Variants in ATP6V0A4 observed in about 807,000 individuals in gnomAD.
The protein encoded by ATP6V0A4 is ATPase H+ transporting V0 subunit a4.
A neutral mutation model predicts 107.3 loss-of-function variants in ATP6V0A4; 86 were observed. The ratio of observed to expected loss-of-function variants is 0.80; its 90% CI spans 0.67 to 0.96. The LOEUF is 0.96. Ranked by LOEUF, ATP6V0A4 falls within the 40% of genes least tolerant of loss-of-function variation. The pLI is 0.00. For missense variants in ATP6V0A4, 908 were observed against 1,045.6 expected (o/e 0.87, Z 1.81); for synonymous variants, 353 against 381.4 (o/e 0.93, Z 0.87).
intron 2 of ATP6V0A4, among the ~76,000 whole-genome samples, chr7:138,775,331 T>C (rs1011380631): frequency 2.6e-5 from 4 of 152,162 alleles, no homozygotes; most frequent in Admixed American, 2.6e-4. Flanking sequence ...TTTCAAAATA[T>C]TCCAGCAGGT....
At chr7:138,735,293 C>T (rs3807149) in intron 15 of ATP6V0A4, among the ~76,000 whole-genome samples, 7,962 of 152,250 alleles carry the variant, frequency 0.052, 549 homozygotes, top group African/African-American at 0.15. Flanking sequence ...TTGCTCCTTC[C>T]CCTGTCCCCA....
Position 138,763,570 on chromosome 7 carries a change from G to A in ATP6V0A4, c.292-545C>T, listed in dbSNP as rs1442065114. ...TTGAACCCGGGAGGCAGAAGCTGTG[G>A]TGAGCCGAGATCGTGCCACTGCACT... On this transcript the variant is annotated intron_variant, in intron 5 of 21. Coordinates refer to ENST00000310018, the MANE Select transcript of ATP6V0A4 (RefSeq NM_020632.3). Among the ~76,000 whole-genome samples, 3 of 152,184 alleles carry A rather than the reference G, an allele frequency of 2.0e-5. No individual in the cohort carries two copies. The East Asian group carries it at 5.8e-4, about 29-fold the overall frequency.
intron 2 of ATP6V0A4, among the ~76,000 whole-genome samples, chr7:138,777,874 G>A (rs1002439705): frequency 1.3e-5 from 2 of 152,026 alleles, no homozygotes; most frequent in African/African-American, 4.8e-5. Context: ...CTTCCTACAG[G>A]TTGAGTATCC....
chr7:138,745,358 T>C, intron 13 of ATP6V0A4, 78 bp from the exon 14 acceptor site: 1 of 1,604,254 alleles, frequency 6.2e-7, no homozygotes, highest in South Asian at 1.1e-5. Context: ...CTACAGGATA[T>C]CTCCAGCATC....
chr7:138,759,961 C>A (rs986530616), intron 7 of ATP6V0A4, 83 bp from the exon 8 acceptor site: 2 of 1,606,176 alleles, frequency 1.2e-6, no homozygotes, highest in Non-Finnish European at 1.7e-6. Flanking sequence ...TGAAGACACA[C>A]CATGAAAGGA....
intron 1 of ATP6V0A4, among the ~76,000 whole-genome samples, chr7:138,795,485 C>T (rs752202274): frequency 7.9e-5 from 12 of 152,164 alleles, no homozygotes; most frequent in South Asian, 2.1e-4. Context: ...CCTCAGGTTC[C>T]GATTCCATAG....
chr7:138,794,461 A>G (rs1456442687), intron 1 of ATP6V0A4, among the ~76,000 whole-genome samples: 1 of 152,158 alleles, frequency 6.6e-6, no homozygotes, highest in Non-Finnish European at 1.5e-5. Context: ...TTAGCCCTGG[A>G]AACTCTCTGC....
chr7:138,759,202 G>A (rs566997442), intron 8 of ATP6V0A4, among the ~76,000 whole-genome samples: 24 of 151,662 alleles, frequency 1.6e-4, no homozygotes, highest in East Asian at 7.8e-4. Context: ...TGGGACTACC[G>A]GTGTGTGCCA....
intron 17 of ATP6V0A4, 23 bp from the exon 18 acceptor site, chr7:138,728,885 T>A: frequency 4.3e-6 from 7 of 1,613,690 alleles, no homozygotes; most frequent in Non-Finnish European, 5.9e-6. Context: ...AATGGCGAGA[T>A]CTCATCATTT....
At chr7:138,746,991 A>G (rs1011082946) in intron 13 of ATP6V0A4, among the ~76,000 whole-genome samples, 1 of 152,226 alleles carries the variant, frequency 6.6e-6, no homozygotes, top group Non-Finnish European at 1.5e-5. Flanking sequence ...AACACTACAA[A>G]TAGTATGCAT....
chr7:138,712,248 T>C, intron 20 of ATP6V0A4, among the ~76,000 whole-genome samples: 1 of 151,852 alleles, frequency 6.6e-6, no homozygotes, highest in East Asian at 1.9e-4. Flanking sequence ...CTTTGTTCCT[T>C]AAAGTGGATC....
chr7:138,758,770 T>TTTTTTTTTTTTTG, intron 8 of ATP6V0A4, among the ~76,000 whole-genome samples: 1 of 80,776 alleles, frequency 1.2e-5, no homozygotes, highest in Non-Finnish European at 2.4e-5. Context: ...TTTTTTTTTT[T>TTTTTTTTTTTTTG]GAGGGAGTCT....
intron 21 of ATP6V0A4, among the ~76,000 whole-genome samples, chr7:138,707,181 A>AATATAAT (rs1562972449): frequency 4.8e-5 from 3 of 62,786 alleles, no homozygotes; most frequent in African/African-American, 2.2e-4. Context: ...TATATTATAT[A>AATATAAT]ATATATTATA....
At chr7:138,752,960 T>C (rs995367843) in intron 10 of ATP6V0A4, 123 bp from the exon 11 acceptor site, 5 of 1,529,710 alleles carry the variant, frequency 3.3e-6, no homozygotes, top group Non-Finnish European at 4.4e-6. Flanking sequence ...CTTTGACCTG[T>C]GGCTGTCACC....
chr7:138,789,238 G>A (rs1808298817), intron 1 of ATP6V0A4, among the ~76,000 whole-genome samples: 1 of 151,076 alleles, frequency 6.6e-6, no homozygotes, highest in East Asian at 2.0e-4. Context: ...TTTTGTTGTT[G>A]TTGTTGTTTT....
At chr7:138,739,418 G>C (rs754463737) in intron 15 of ATP6V0A4, 122 bp downstream of exon 15, 6 of 1,265,420 alleles carry the variant, frequency 4.7e-6, no homozygotes, top group Non-Finnish European at 6.7e-6. Flanking sequence ...GTCAGCAGAA[G>C]TTATTTTATC....
At chr7:138,792,023 G>T (rs1012032596) in intron 1 of ATP6V0A4, among the ~76,000 whole-genome samples, 2 of 152,054 alleles carry the variant, frequency 1.3e-5, no homozygotes, top group African/African-American at 4.8e-5. Context: ...ATCAGGAGTG[G>T]ATAGGCCAGG....
intron 2 of ATP6V0A4, among the ~76,000 whole-genome samples, chr7:138,784,322 A>ATTT (rs71169059): frequency 8.2e-6 from 1 of 122,276 alleles, no homozygotes; most frequent in African/African-American, 3.6e-5. Context: ...ATATATATGT[A>ATTT]TTTTTTTTTT....
chr7:138,771,882 A>G (rs1161970377), intron 2 of ATP6V0A4, among the ~76,000 whole-genome samples: 1 of 83,678 alleles, frequency 1.2e-5, no homozygotes, highest in Non-Finnish European at 3.0e-5. Flanking sequence ...TGGTCTCTCA[A>G]AGTGCTGGGA....
Sources: gnomAD v4.1 joint callset for allele counts (sites outside exome capture counted in the v4.1 genomes callset) on GRCh38, gnomAD v4.1.1 for gene constraint, MANE v1.5 for transcripts, NCBI Gene and HGNC (gene_info 2026-07-23, HGNC 2026-07-21) for gene names.